CDH7: variants seen among roughly 807,000 people sequenced by gnomAD.
The protein encoded by CDH7 is cadherin-7.
CDH7 carries 25 observed loss-of-function variants against 71.8 expected under a neutral mutation model. That is an observed-to-expected ratio of 0.35 (90% CI 0.25 to 0.49). The LOEUF (loss-of-function observed/expected upper bound fraction) is 0.49, where lower values mean the gene tolerates loss of function less well. Among genes scored for constraint, CDH7 ranks in the 20% least tolerant of loss-of-function variants. The probability of loss-of-function intolerance (pLI) is 0.99; values close to 1 mark genes in which losing one functional copy is unlikely to be tolerated. For missense variants in CDH7, 862 were observed against 974.6 expected (o/e 0.88, Z 1.54); for synonymous variants, 381 against 363.8 (o/e 1.05, Z -0.54).
chr18:65,847,026 G>A (rs140117318), intron 7 of CDH7, among the ~76,000 whole-genome samples: 1 of 151,698 alleles, frequency 6.6e-6, no homozygotes, highest in South Asian at 2.1e-4. Flanking sequence ...AGGTTGTCTT[G>A]TACTCACGCG....
In CDH7 at chr18:65,862,861, C is replaced by T; in HGVS notation, c.1808C>T (p.Ala603Val). The change falls in exon 11 of 12, where the codon GCT becomes GTT. Residue 603 changes from alanine to valine, a missense_variant. Transcript: ENST00000397968. Reference protein sequence around the residue: ...TCNAEAYVLPAGLSTGALIAI... With the variant: ...TCNAEAYVLPVGLSTGALIAI... The stretch of plus-strand genomic sequence containing the variant: ...AATGCAGAGGCCTATGTCCTACCTG[C>T]TGGCCTCAGTACAGGAGCCCTGATA... 1 of 1,614,066 alleles carries T rather than the reference C, an allele frequency of 6.2e-7. No homozygotes were observed. The highest frequency in any genetic ancestry group is 8.5e-7 in the Non-Finnish European group (1 of 1,179,916).
At chr18:65,782,126 CTT>C (rs1910315751) in intron 2 of CDH7, among the ~76,000 whole-genome samples, 6 of 71,608 alleles carry the variant, frequency 8.4e-5, no homozygotes. Context: ...TTCTTTCTTT[CTT>C]TCTTTCTTTC....
intron 11 of CDH7, among the ~76,000 whole-genome samples, chr18:65,871,178 A>T (rs1031315899): frequency 3.9e-5 from 6 of 152,210 alleles, no homozygotes; most frequent in Non-Finnish European, 8.8e-5. Context: ...ACACCCAAAA[A>T]GTTCGGAACT....
chr18:65,873,375 A>C (rs756516303), intron 11 of CDH7, among the ~76,000 whole-genome samples: 5 of 152,160 alleles, frequency 3.3e-5, no homozygotes, highest in Non-Finnish European at 7.4e-5. Context: ...AAATAAAGTT[A>C]TTGTGAACCA....
chr18:65,858,110 C>A (rs550364295), intron 8 of CDH7, among the ~76,000 whole-genome samples, 158 bp downstream of exon 8: 59 of 152,246 alleles, frequency 3.9e-4, no homozygotes, highest in African/African-American at 1.3e-3. Context: ...ATATACTTAT[C>A]TTCACTGTCT....
At chr18:65,799,180 G>A (rs1023752114) in intron 2 of CDH7, among the ~76,000 whole-genome samples, 14 of 152,124 alleles carry the variant, frequency 9.2e-5, no homozygotes, top group Admixed American at 7.2e-4. Context: ...GCCCCCATTA[G>A]GTAAGAGAAG....
intron 11 of CDH7, among the ~76,000 whole-genome samples, chr18:65,871,390 G>T (rs1913921686): frequency 6.6e-6 from 1 of 152,134 alleles, no homozygotes; most frequent in Non-Finnish European, 1.5e-5. Flanking sequence ...GAGGCAAGGA[G>T]AAGTAAAGGA....
At chr18:65,792,079 T>A (rs1910731007) in intron 2 of CDH7, among the ~76,000 whole-genome samples, 1 of 152,092 alleles carries the variant, frequency 6.6e-6, no homozygotes, top group South Asian at 2.1e-4. Flanking sequence ...GCATGTTAGA[T>A]CTTTTTCTTA....
At position 65,882,909 on chromosome 18, in the gene CDH7, A is replaced by G. The variant is rs1914271364; in HGVS notation, c.*2015A>G. On this transcript the variant is annotated 3_prime_UTR_variant, in exon 12 of 12. Coordinates refer to ENST00000397968, the MANE Select transcript of CDH7 (RefSeq NM_004361.5). ...AGGTGCTGAGAAAACAGTTTGTAAT[A>G]ATCCCCTTGTTGTCTGCAAGAAGAT... 1.3e-5 allele frequency: 2 copies of G among 152,138 alleles called. No homozygotes were observed. The highest frequency in any genetic ancestry group is 4.8e-5 in the African/African-American group (2 of 41,452). The allele number at this position is 152,138 out of a possible 1,614,324, so 9.4% of individuals were successfully genotyped here.
intron 6 of CDH7, among the ~76,000 whole-genome samples, chr18:65,832,411 A>G (rs28655226): frequency 0.026 from 3,902 of 152,160 alleles, 162 homozygotes; most frequent in African/African-American, 0.09. Flanking sequence ...TGGTTATTCT[A>G]TTACTGTTCC....
intron 2 of CDH7, among the ~76,000 whole-genome samples, chr18:65,792,559 T>C (rs956158658): frequency 5.9e-5 from 9 of 152,238 alleles, no homozygotes; most frequent in Middle Eastern, 3.4e-3. Context: ...TAAGGTAATA[T>C]GTGTGTGGAT....
At position 65,880,802 on chromosome 18, in the gene CDH7, G is replaced by C; in HGVS notation, c.2266G>C (p.Asp756His). 6.2e-7 allele frequency: 1 copy of C among 1,613,810 alleles called. No homozygotes were observed. Among genetic ancestry groups the C allele is most frequent in the African/African-American group, 1.3e-5 (1 of 74,998 alleles). Residue 756 changes from aspartate to histidine, a missense_variant, in exon 12 of 12, where the codon GAT (aspartate) becomes CAT (histidine). Coordinates refer to ENST00000397968, the MANE Select transcript of CDH7 (RefSeq NM_004361.5). ...SSLDSISSNS[D>H]QNYDYLSDWG... ...TTTAGATTCCATCAGCTCAAACTCT[G>C]ATCAGAACTATGACTACCTAAGTGA...
chr18:65,829,974 C>T (rs1433262722), intron 6 of CDH7, among the ~76,000 whole-genome samples: 3 of 152,068 alleles, frequency 2.0e-5, no homozygotes, highest in African/African-American at 7.3e-5. Flanking sequence ...CATCTGTCAG[C>T]CAACTGGTCA....
At chr18:65,856,549 A>C (rs1036837377) in intron 7 of CDH7, among the ~76,000 whole-genome samples, 2 of 152,124 alleles carry the variant, frequency 1.3e-5, no homozygotes, top group African/African-American at 4.8e-5. Flanking sequence ...TGACAAGTCA[A>C]GGGTATGTTC....
In CDH7 at chr18:65,782,153, TCTTTCTTTCTTC is replaced by T. The variant is rs1202918504; in HGVS notation, c.210+19113_210+19124del. ...TTCTTTCTTTCTTTCTTTCTTTCTT[TCTTTCTTTCTTC>T]CTTTCTTTCTTTCTTTCTTTCTTGA... On this transcript the variant is annotated intron_variant, in intron 2 of 11. Transcript: ENST00000397968. Among the ~76,000 whole-genome samples, 30 of 113,234 alleles carry T rather than the reference TCTTTCTTTCTTC, an allele frequency of 2.6e-4. 1 individual carries two copies. Among genetic ancestry groups the T allele is most frequent in the African/African-American group, 1.0e-3 (23 of 22,754 alleles). The allele number at this position is 113,234 out of a possible 152,430, so 74.3% of individuals were successfully genotyped here.
chr18:65,821,995 A>C (rs1599030146), intron 4 of CDH7, 86 bp from the exon 5 acceptor site: 1 of 1,025,044 alleles, frequency 9.8e-7, no homozygotes, highest in Non-Finnish European at 1.5e-6. Flanking sequence ...ACAACTCAAG[A>C]GGGACTTACT....
rs1245468924 is a variant in CDH7, at chr18:65,875,652, C to T, written c.1865-4749C>T. 4.6e-5 allele frequency among the ~76,000 whole-genome samples: 7 copies of T among 152,102 alleles called. No homozygotes were observed. In the East Asian group the frequency reaches 1.2e-3, roughly 25 times the overall value. ...CTGTAATGCTAACGCTTTGGAAGAC[C>T]AAGGCAGGAGGATCACTTGAGCTTA... On this transcript the variant is annotated intron_variant, in intron 11 of 11. Transcript: ENST00000397968.
In CDH7 at chr18:65,885,798, T is replaced by A. The variant is rs1599075085; in HGVS notation, c.*4904T>A. 1 of 152,276 alleles carries A rather than the reference T, an allele frequency of 6.6e-6. No individual in the cohort carries two copies. The highest frequency in any genetic ancestry group is 2.4e-5 in the African/African-American group (1 of 41,556). The allele number at this position is 152,276 out of a possible 1,614,324, so 9.4% of individuals were successfully genotyped here. ...CACCTGCCAAGTGACTGTTAGGCAA[T>A]AAGACTAGAAAATATGGTACCGAAT... is the stretch of plus-strand genomic sequence containing the variant. On this transcript the variant is annotated 3_prime_UTR_variant, in exon 12 of 12. Transcript: ENST00000397968.
intron 1 of CDH7, among the ~76,000 whole-genome samples, chr18:65,756,964 A>G (rs1335818154): frequency 1.3e-5 from 2 of 152,064 alleles, no homozygotes; most frequent in African/African-American, 4.8e-5. Flanking sequence ...TTATGTTTTT[A>G]GCATGTTGAC....
Sources: gnomAD v4.1 joint callset for allele counts (sites outside exome capture counted in the v4.1 genomes callset) on GRCh38, gnomAD v4.1.1 for gene constraint, MANE v1.5 for transcripts, NCBI Gene and HGNC (gene_info 2026-07-23, HGNC 2026-07-21) for gene names.